The following KIDINS220 variants were observed in gnomAD, a reference collection of about 807,000 sequenced individuals.
KIDINS220 encodes kinase D-interacting substrate of 220 kDa.
KIDINS220 carries 63 observed loss-of-function variants against 157.6 expected under a neutral mutation model. The observed-to-expected ratio is 0.40, with a 90% CI of 0.33 to 0.49. The LOEUF is 0.49. Ranked by LOEUF, KIDINS220 falls within the 20% of genes least tolerant of loss-of-function variation. The pLI is 0.66. For synonymous variants in KIDINS220, 732 were observed against 783.6 expected, an observed-to-expected ratio of 0.93 and a Z score of 1.10; for missense variants, 1,772 against 2,171.2, an observed-to-expected ratio of 0.82 and a Z score of 3.65.
Position 8,744,420 on chromosome 2 carries a change from A to C in KIDINS220, c.3585+2725T>G, listed in dbSNP as rs1186683402. The stretch of plus-strand genomic sequence containing the variant: ...ATATATAATATATATATATATATAT[A>C]TATATATATATATATATATATATAT... On this transcript the variant is annotated intron_variant, in intron 26 of 29. Coordinates refer to ENST00000256707, the MANE Select transcript of KIDINS220 (RefSeq NM_020738.4). Among the ~76,000 whole-genome samples, 53 of 99,296 alleles carry C rather than the reference A, an allele frequency of 5.3e-4. 3 individuals carry two copies. Among genetic ancestry groups the C allele is most frequent in the Non-Finnish European group, 3.7e-4 (19 of 51,106 alleles). The allele number at this position is 99,296 out of a possible 152,430, so 65.1% of individuals were successfully genotyped here.
At chr2:8,770,622 T>TTTA in intron 22 of KIDINS220, 48 bp downstream of exon 22, 1 of 1,076,268 alleles carries the variant, frequency 9.3e-7, no homozygotes, top group Non-Finnish European at 1.3e-6. Flanking sequence ...TTTTTTTTTT[T>TTTA]AACTCAACCT....
chr2:8,737,038 T>C (rs948589514), intron 26 of KIDINS220, 39 bp from the exon 27 acceptor site: 12 of 1,605,238 alleles, frequency 7.5e-6, no homozygotes, highest in Non-Finnish European at 9.4e-6. Context: ...TGAATAAGCA[T>C]TTAATGCCAT....
chr2:8,787,933 C>T (rs1646328365), intron 15 of KIDINS220, among the ~76,000 whole-genome samples: 1 of 152,120 alleles, frequency 6.6e-6, no homozygotes, highest in South Asian at 2.1e-4. Flanking sequence ...AGGTTAACCG[C>T]TCACATAAGG....
Position 8,791,271 on chromosome 2 carries a change from A to G in KIDINS220, c.1277-47T>C, listed in dbSNP as rs1249295759. 6 of 1,481,330 alleles carry G rather than the reference A, an allele frequency of 4.1e-6. No homozygotes were observed. The Admixed American group carries it at 1.1e-4, about 27-fold the overall frequency. The allele number at this position is 1,481,330 out of a possible 1,614,324, so 91.8% of individuals were successfully genotyped here. ...TCTTACATTAAACAGTGGCATTACTATTAGAAATGAACACTATTTTCATTG... is the reference window on the plus strand; with the variant it reads ...TCTTACATTAAACAGTGGCATTACTGTTAGAAATGAACACTATTTTCATTG... On this transcript the variant is annotated intron_variant, in intron 12 of 29. Transcript: ENST00000256707.
chr2:8,770,605 CGTTTT>C (rs1670072406), intron 22 of KIDINS220, 60 bp downstream of exon 22: 1 of 782,444 alleles, frequency 1.3e-6, no homozygotes, highest in African/African-American at 1.9e-5. Flanking sequence ...GCTTTATACG[CGTTTT>C]TTTTTTTTTT....
downstream of KIDINS220, among the ~76,000 whole-genome samples, chr2:8,728,321 TCAAACAAACAAACAAA>T (rs142900998): frequency 1.9e-3 from 294 of 151,240 alleles, no homozygotes; most frequent in South Asian, 4.8e-3. Flanking sequence ...AGAGACTGCC[TCAAACAAACAAACAAA>T]CAAACAAACA....
At chr2:8,752,718 A>C (rs879601124) in intron 22 of KIDINS220, among the ~76,000 whole-genome samples, 6 of 152,222 alleles carry the variant, frequency 3.9e-5, no homozygotes, top group Non-Finnish European at 8.8e-5. Flanking sequence ...ATTAAAAAAA[A>C]GCTAAGTTTT....
intron 6 of KIDINS220, among the ~76,000 whole-genome samples, chr2:8,811,135 T>G (rs1468608747): frequency 1.3e-5 from 2 of 152,162 alleles, no homozygotes; most frequent in East Asian, 3.9e-4. Flanking sequence ...TTAAAGAAAT[T>G]TATGCACAGA....
chr2:8,791,306 T>A, intron 12 of KIDINS220, 82 bp from the exon 13 acceptor site: 1 of 1,264,122 alleles, frequency 7.9e-7, no homozygotes. Flanking sequence ...GTTTCCTTGA[T>A]TAGAGAGAAA....
chr2:8,812,376 A>G lies in KIDINS220; in HGVS notation c.504+19T>C. On this transcript the variant is annotated intron_variant, in intron 6 of 29. Coordinates refer to ENST00000256707, the MANE Select transcript of KIDINS220 (RefSeq NM_020738.4). ...GGACATAACATGGACTGGAACCTGA[A>G]AAGATGCTGCTGACCTACCTTATCA... 1 of 1,462,158 alleles carries G rather than the reference A, an allele frequency of 6.8e-7. No homozygotes were observed. Among genetic ancestry groups the G allele is most frequent in the Non-Finnish European group, 9.4e-7 (1 of 1,060,306 alleles). The allele number at this position is 1,462,158 out of a possible 1,614,324, so 90.6% of individuals were successfully genotyped here. A position where few individuals can be genotyped will look rare whatever the true frequency, so the allele number is the denominator to read the frequency against.
At chr2:8,815,297 G>C (rs1166098821) in intron 4 of KIDINS220, among the ~76,000 whole-genome samples, 3 of 151,624 alleles carry the variant, frequency 2.0e-5, no homozygotes, top group African/African-American at 7.3e-5. Flanking sequence ...GCTACAGGGG[G>C]AGCTGAAATG....
At position 8,750,242 on chromosome 2, in the gene KIDINS220, T is replaced by C; in HGVS notation, c.3284A>G (p.Tyr1095Cys). Reference sequence around the variant, plus strand: ...AGAGCACACGGATGGGGGCTGGCTGTACCCTGATGGCGCCCTAGGAGGACC... The same window carrying C: ...AGAGCACACGGATGGGGGCTGGCTGCACCCTGATGGCGCCCTAGGAGGACC... ...HEGPPRAPSG[Y>C]SQPPSVCSST... is the part of the protein sequence containing the mutation. Residue 1095 changes from tyrosine to cysteine, a missense_variant, in exon 24 of 30, where the codon TAC becomes TGC. This residue lies in a region of KIDINS220 where 793 missense variants were observed against 885.5 expected (regional missense o/e 0.90). Coordinates refer to ENST00000256707, the MANE Select transcript of KIDINS220 (RefSeq NM_020738.4). 1 of 1,613,982 alleles carries C rather than the reference T, an allele frequency of 6.2e-7. No homozygotes were observed. The highest frequency in any genetic ancestry group is 8.5e-7 in the Non-Finnish European group (1 of 1,179,946).
chr2:8,801,760 G>A (rs1425686557), intron 8 of KIDINS220, among the ~76,000 whole-genome samples: 1 of 152,104 alleles, frequency 6.6e-6, no homozygotes, highest in East Asian at 1.9e-4. Context: ...ACAAGAATTA[G>A]CCAGGCGTGG....
At chr2:8,828,436 T>C (rs1679144125) in intron 1 of KIDINS220, among the ~76,000 whole-genome samples, 1 of 152,230 alleles carries the variant, frequency 6.6e-6, no homozygotes, top group South Asian at 2.1e-4. Flanking sequence ...AATGACATAT[T>C]GTTCACTTAT....
At chr2:8,726,421 A>C (rs1663320797), downstream of KIDINS220, among the ~76,000 whole-genome samples, 1 of 152,224 alleles carries the variant, frequency 6.6e-6, no homozygotes, top group Admixed American at 6.5e-5. Context: ...GACAATATTT[A>C]ATTTCTAGCA....
chr2:8,793,686 A>G (rs1572684879), intron 12 of KIDINS220, 124 bp downstream of exon 12: 1 of 814,032 alleles, frequency 1.2e-6, no homozygotes, highest in Admixed American at 3.2e-5. Flanking sequence ...CAATCCTCCC[A>G]CCTCGGCCTC....
chr2:8,752,524 T>TAA (rs1193198152), intron 22 of KIDINS220, among the ~76,000 whole-genome samples: 1 of 152,020 alleles, frequency 6.6e-6, no homozygotes, highest in Non-Finnish European at 1.5e-5. Context: ...TCAATGAAGA[T>TAA]TCATTGAGTT....
At position 8,733,428 on chromosome 2, in the gene KIDINS220, G is replaced by A; in HGVS notation, c.4053+16C>T. ...CTTATTCTTCAATAATATGAAAAAT[G>A]CCATTCAATAAATACCTGCCAACTT... On this transcript the variant is annotated intron_variant, in intron 29 of 29. Transcript: ENST00000256707. 1 of 1,580,658 alleles carries A rather than the reference G, an allele frequency of 6.3e-7. No homozygotes were observed. Among genetic ancestry groups the A allele is most frequent in the Non-Finnish European group, 8.7e-7 (1 of 1,151,000 alleles).
chr2:8,769,389 T>C (rs1172597506), intron 22 of KIDINS220, among the ~76,000 whole-genome samples: 1 of 152,192 alleles, frequency 6.6e-6, no homozygotes, highest in Non-Finnish European at 1.5e-5. Context: ...CACAAATTCC[T>C]TCCACTACTG....
Sources: allele counts gnomAD v4.1 joint callset (sites outside exome capture counted in the v4.1 genomes callset), GRCh38; gene constraint gnomAD v4.1.1; regional missense constraint gnomAD v4.1.1; transcripts MANE v1.5; gene names NCBI Gene and HGNC (gene_info 2026-07-23, HGNC 2026-07-21).